MACO1: variants seen among roughly 807,000 people sequenced by gnomAD.
MACO1 encodes the protein macoilin 1, also known as macoilin.
MACO1 carries 14 observed loss-of-function variants against 78.7 expected under a neutral mutation model. The ratio of observed to expected loss-of-function variants is 0.18; its 90% confidence interval spans 0.12 to 0.28. MACO1 has a LOEUF of 0.28. MACO1 is among the 10% of genes least tolerant of loss of function. MACO1 has a pLI of 1.00. For synonymous variants in MACO1, 288 were observed against 291.6 expected (o/e 0.99, Z 0.12); for missense variants, 501 against 799.0 (o/e 0.63, Z 4.50).
chr1:25,440,725 G>A (rs1201372503), intron 1 of MACO1, among the ~76,000 whole-genome samples: 10 of 145,120 alleles, frequency 6.9e-5, no homozygotes, highest in East Asian at 2.0e-4. Context: ...CCAAGATTGC[G>A]CCATTGCACT....
chr1:25,437,620 T>C (rs969823698), intron 1 of MACO1, among the ~76,000 whole-genome samples: 1 of 152,162 alleles, frequency 6.6e-6, no homozygotes, highest in African/African-American at 2.4e-5. Flanking sequence ...TTGAGTCGTC[T>C]TGCTCAGATG....
chr1:25,492,495 C>T (rs1206354578), intron 10 of MACO1, among the ~76,000 whole-genome samples: 1 of 151,802 alleles, frequency 6.6e-6, no homozygotes, highest in Non-Finnish European at 1.5e-5. Context: ...GGGGAGGGGG[C>T]AGCAAGTGAA....
chr1:25,484,088 GA>G (rs1229527041), intron 6 of MACO1, 27 bp from the exon 7 acceptor site: 12 of 1,589,066 alleles, frequency 7.6e-6, no homozygotes, highest in Non-Finnish European at 1.0e-5. Flanking sequence ...TCACCTAGAT[GA>G]AAATGCTGCA....
At chr1:25,459,751 A>G (rs568264258) in intron 6 of MACO1, among the ~76,000 whole-genome samples, 2 of 152,308 alleles carry the variant, frequency 1.3e-5, no homozygotes, top group Non-Finnish European at 2.9e-5. Flanking sequence ...TCCTGGGATT[A>G]CAGATGTGAG....
At chr1:25,431,547 G>C (rs965485715) in intron 1 of MACO1, among the ~76,000 whole-genome samples, 2 of 151,804 alleles carry the variant, frequency 1.3e-5, no homozygotes, top group Non-Finnish European at 2.9e-5. Context: ...CCTCTGACTG[G>C]CCGCCGCTGG....
intron 9 of MACO1, among the ~76,000 whole-genome samples, chr1:25,490,805 G>T (rs896566616): frequency 3.9e-5 from 6 of 152,046 alleles, no homozygotes; most frequent in Non-Finnish European, 8.8e-5. Context: ...TTTCACTTCT[G>T]CTAAAAGATA....
intron 6 of MACO1, among the ~76,000 whole-genome samples, chr1:25,465,250 A>T (rs2043208234): frequency 6.6e-6 from 1 of 152,258 alleles, no homozygotes; most frequent in Non-Finnish European, 1.5e-5. Context: ...GGCAATTATA[A>T]ATAAAGCTAT....
At chr1:25,463,637 T>C (rs2043190489) in intron 6 of MACO1, among the ~76,000 whole-genome samples, 1 of 152,150 alleles carries the variant, frequency 6.6e-6, no homozygotes, top group African/African-American at 2.4e-5. Context: ...AGGAATAATA[T>C]AAATTAGAAT....
intron 1 of MACO1, among the ~76,000 whole-genome samples, chr1:25,436,848 A>G (rs911813594): frequency 6.6e-6 from 1 of 151,978 alleles, no homozygotes; most frequent in African/African-American, 2.4e-5. Context: ...ATTGCTTTAT[A>G]TTTTTTTCTC....
intron 6 of MACO1, among the ~76,000 whole-genome samples, chr1:25,469,629 C>CTGACTTTT (rs2043249509): frequency 6.7e-6 from 1 of 148,268 alleles, no homozygotes; most frequent in South Asian, 2.1e-4. Flanking sequence ...TGTGTAACCT[C>CTGACTTTT]TGACTTTTTT....
intron 6 of MACO1, among the ~76,000 whole-genome samples, chr1:25,466,575 A>C (rs1051217714): frequency 3.3e-5 from 5 of 152,174 alleles, no homozygotes; most frequent in African/African-American, 1.2e-4. Flanking sequence ...GGCCTCCCAA[A>C]GTGCTGGGAT....
intron 1 of MACO1, among the ~76,000 whole-genome samples, chr1:25,431,506 T>A (rs1257472898): frequency 6.6e-6 from 1 of 151,380 alleles, no homozygotes; most frequent in Non-Finnish European, 1.5e-5. Context: ...ATCCCGGCCA[T>A]GCCGCTGGGC....
At chr1:25,439,911 G>A (rs1156743094) in intron 1 of MACO1, among the ~76,000 whole-genome samples, 2 of 151,824 alleles carry the variant, frequency 1.3e-5, no homozygotes, top group African/African-American at 4.8e-5. Context: ...CCAGCTACTT[G>A]GGAGGCTGAG....
intron 1 of MACO1, among the ~76,000 whole-genome samples, chr1:25,440,630 A>T (rs1383607032): frequency 6.6e-6 from 1 of 151,812 alleles, no homozygotes; most frequent in Non-Finnish European, 1.5e-5. Flanking sequence ...TTAGCCAGGC[A>T]TGGTGGTAGG....
intron 6 of MACO1, among the ~76,000 whole-genome samples, chr1:25,471,109 C>T (rs963244650): frequency 4.6e-4 from 70 of 152,152 alleles, no homozygotes; most frequent in African/African-American, 1.3e-3. Flanking sequence ...GAGGTCAAAG[C>T]AGGTGGATCA....
At position 25,458,463 on chromosome 1, in the gene MACO1, A is replaced by G. The variant is rs1241913523; in HGVS notation, c.725A>G (p.Lys242Arg). 8 of 1,613,516 alleles carry G rather than the reference A, an allele frequency of 5.0e-6. No individual in the cohort carries two copies. Among genetic ancestry groups the G allele is most frequent in the Middle Eastern group, 1.6e-4 (1 of 6,076 alleles). ...AATGGAGGTATCCCAGCCAACAAAA[A>G]ACTCTCCACAACTTTGCCAGAGATA... ...HHNGGIPANK[K>R]LSTTLPEIEY... The change falls in exon 6 of 11, where the codon AAA becomes AGA. Residue 242 changes from lysine (K) to arginine (R), a missense_variant. By Grantham distance (26) the Lys-to-Arg change is conservative. Coordinates refer to ENST00000374343, the MANE Select transcript of MACO1 (RefSeq NM_018202.6).
Position 25,489,231 on chromosome 1 carries a change from A to G in MACO1, c.1555A>G (p.Lys519Glu). The change falls in exon 9 of 11, where the codon AAG (lysine) becomes GAG (glutamate). Residue 519 changes from lysine to glutamate, a missense_variant. Coordinates refer to ENST00000374343, the MANE Select transcript of MACO1 (RefSeq NM_018202.6). Reference sequence around the variant, plus strand: ...CAGAGAACTAGAAGCAGAGGGCAAGAAGCTCACGATGGACATGAAGGTGAA... The same window carrying G: ...CAGAGAACTAGAAGCAGAGGGCAAGGAGCTCACGATGGACATGAAGGTGAA... ...RIRELEAEGK[K>E]LTMDMKVKED... The G allele has an allele frequency of 6.2e-7, 1 of 1,614,154 alleles. No homozygotes were observed. Among genetic ancestry groups the G allele is most frequent in the Non-Finnish European group, 8.5e-7 (1 of 1,179,994 alleles).
intron 1 of MACO1, among the ~76,000 whole-genome samples, chr1:25,432,459 A>G (rs557549604): frequency 6.6e-6 from 1 of 152,362 alleles, no homozygotes; most frequent in Admixed American, 6.5e-5. Context: ...TCAGTTATAT[A>G]TACTATGTGC....
intron 10 of MACO1, among the ~76,000 whole-genome samples, chr1:25,493,125 T>G (rs916107886): frequency 6.6e-6 from 1 of 152,202 alleles, no homozygotes; most frequent in Non-Finnish European, 1.5e-5. Flanking sequence ...ACATGGTGTG[T>G]GAACTTTTGT....
Sources: gnomAD v4.1 joint callset for allele counts (sites outside exome capture counted in the v4.1 genomes callset) on GRCh38, gnomAD v4.1.1 for gene constraint, MANE v1.5 for transcripts, NCBI Gene and HGNC (gene_info 2026-07-23, HGNC 2026-07-21) for gene names.